NBEA: variants seen among roughly 807,000 people sequenced by gnomAD.
NBEA encodes the protein lysosomal-trafficking regulator 2.
Under a neutral mutation model 343.4 loss-of-function variants are expected in NBEA, and 44 were observed. The observed-to-expected ratio is 0.13, with a 90% CI of 0.10 to 0.16. The LOEUF (loss-of-function observed/expected upper bound fraction) is 0.16. Among genes scored for constraint, NBEA ranks in the 10% least tolerant of loss-of-function variants. The pLI, the probability that NBEA is intolerant of heterozygous loss-of-function variation, is 1.00. For synonymous variants in NBEA, 1,175 were observed against 1,238.7 expected (o/e 0.95, Z 1.08); for missense variants, 2,555 against 3,631.3 (o/e 0.70, Z 7.62).
At chr13:34,991,948 A>T (rs1045931901) in intron 1 of NBEA, among the ~76,000 whole-genome samples, 1 of 151,072 alleles carries the variant, frequency 6.6e-6, no homozygotes, top group Admixed American at 6.6e-5. Context: ...GACAGCATTT[A>T]AAAAATGTAC....
chr13:35,031,281 C>T (rs950225327), intron 1 of NBEA, among the ~76,000 whole-genome samples: 7 of 151,574 alleles, frequency 4.6e-5, no homozygotes, highest in African/African-American at 1.7e-4. Context: ...TAGTGACAGA[C>T]TGAAGTCAGT....
chr13:35,453,674 T>G (rs2046414029), intron 40 of NBEA, among the ~76,000 whole-genome samples: 1 of 152,194 alleles, frequency 6.6e-6, no homozygotes, highest in African/African-American at 2.4e-5. Context: ...CAGTTCAAAT[T>G]AGACTCCCTG....
chr13:35,198,212 C>G (rs2072763987), intron 31 of NBEA, among the ~76,000 whole-genome samples: 1 of 151,914 alleles, frequency 6.6e-6, no homozygotes, highest in East Asian at 1.9e-4. Flanking sequence ...CACGATATGC[C>G]TATATGTGTG....
chr13:35,150,705 C>G (rs2068720265), intron 18 of NBEA, among the ~76,000 whole-genome samples: 1 of 151,854 alleles, frequency 6.6e-6, no homozygotes, highest in African/African-American at 2.4e-5. Context: ...AGCAATGCAT[C>G]AGAATAAATA....
rs931826951 is a variant in NBEA at position 35,198,626 on chromosome 13, T to C, written c.5366+2324T>C. Among the ~76,000 whole-genome samples the C allele has an allele frequency of 2.0e-5, 3 of 152,132 alleles. No homozygotes were observed. In the East Asian group the frequency reaches 5.8e-4, roughly 29 times the overall value. On this transcript the variant is annotated intron_variant, in intron 31 of 58. Transcript: ENST00000379939. ...GTAGGAGTGGAATCATTATTCTAAA[T>C]TGCATAAGTACAAATGAAATGGAAG...
At chr13:35,420,607 T>C (rs963839223) in intron 38 of NBEA, among the ~76,000 whole-genome samples, 5 of 152,018 alleles carry the variant, frequency 3.3e-5, no homozygotes, top group Non-Finnish European at 7.4e-5. Context: ...TCTTTAAATG[T>C]TTAATAAAAT....
At chr13:35,446,761 G>A (rs2046069610) in intron 39 of NBEA, among the ~76,000 whole-genome samples, 1 of 151,904 alleles carries the variant, frequency 6.6e-6, no homozygotes, top group South Asian at 2.1e-4. Context: ...CATTGAAAAT[G>A]TATTATTCCA....
At chr13:35,270,999 C>A (rs1594022316) in intron 34 of NBEA, among the ~76,000 whole-genome samples, 1 of 152,228 alleles carries the variant, frequency 6.6e-6, no homozygotes, top group Non-Finnish European at 1.5e-5. Context: ...AGCAGTGGTT[C>A]CCCCCAGCAT....
intron 36 of NBEA, among the ~76,000 whole-genome samples, chr13:35,346,504 G>A (rs1440530044): frequency 3.3e-5 from 5 of 152,158 alleles, no homozygotes; most frequent in East Asian, 1.9e-4. Flanking sequence ...GCCCTCCAAC[G>A]TCATTTACAG....
chr13:35,471,059 C>G (rs1377616845), intron 40 of NBEA, among the ~76,000 whole-genome samples: 1 of 152,158 alleles, frequency 6.6e-6, no homozygotes, highest in Non-Finnish European at 1.5e-5. Flanking sequence ...AAAGACAGGG[C>G]TGTGCGTGGG....
chr13:35,636,217 T>C (rs1007081225), intron 49 of NBEA, among the ~76,000 whole-genome samples: 1 of 152,210 alleles, frequency 6.6e-6, no homozygotes, highest in Non-Finnish European at 1.5e-5. Flanking sequence ...GAAATAGATA[T>C]TACTCAATCT....
At position 35,513,536 on chromosome 13, in the gene NBEA, T is replaced by C. The variant is rs540701970; in HGVS notation, c.6586-36941T>C. 2.6e-5 allele frequency among the ~76,000 whole-genome samples: 4 copies of C among 152,096 alleles called. No homozygotes were observed. The South Asian group carries it at 8.3e-4, about 32-fold the overall frequency. On this transcript the variant is annotated intron_variant, in intron 41 of 58. Transcript: ENST00000379939. Reference sequence around the variant, plus strand: ...AAGTTTAAATGATTCTGTGGTATGCTTTTTTAGTCTTATTATCCAACTTAC... The same window carrying C: ...AAGTTTAAATGATTCTGTGGTATGCCTTTTTAGTCTTATTATCCAACTTAC...
At chr13:34,987,704 T>C (rs895577194) in intron 1 of NBEA, among the ~76,000 whole-genome samples, 1 of 151,060 alleles carries the variant, frequency 6.6e-6, no homozygotes, top group Non-Finnish European at 1.5e-5. Flanking sequence ...TTTTTACTCT[T>C]TTTTCTCTAA....
At chr13:34,954,181 G>A (rs546486367) in intron 1 of NBEA, among the ~76,000 whole-genome samples, 66 of 152,108 alleles carry the variant, frequency 4.3e-4, no homozygotes, top group South Asian at 8.3e-4. Flanking sequence ...GGTGTGCATA[G>A]GTTATGTGCA....
intron 37 of NBEA, among the ~76,000 whole-genome samples, chr13:35,350,670 T>A (rs924429193): frequency 6.6e-6 from 1 of 151,858 alleles, no homozygotes; most frequent in South Asian, 2.1e-4. Context: ...TTGATGATTG[T>A]ACCTTATTTT....
At chr13:35,115,365 T>C (rs1448749382) in intron 13 of NBEA, among the ~76,000 whole-genome samples, 6 of 152,034 alleles carry the variant, frequency 3.9e-5, no homozygotes, top group Non-Finnish European at 7.4e-5. Context: ...ATGAACCTTA[T>C]TTAAACATCA....
intron 23 of NBEA, among the ~76,000 whole-genome samples, chr13:35,162,864 G>C (rs945556417): frequency 6.6e-6 from 1 of 152,044 alleles, no homozygotes; most frequent in African/African-American, 2.4e-5. Flanking sequence ...TATGACTGTT[G>C]TGGAAGAAGT....
intron 39 of NBEA, among the ~76,000 whole-genome samples, chr13:35,433,717 G>T (rs1192865212): frequency 6.6e-6 from 1 of 151,930 alleles, no homozygotes; most frequent in Admixed American, 6.6e-5. Context: ...ATTATAGTTT[G>T]TCTTCTTTGA....
chr13:35,649,595 T>G, intron 51 of NBEA, 60 bp from the exon 52 acceptor site: 1 of 1,420,234 alleles, frequency 7.0e-7, no homozygotes, highest in Non-Finnish European at 9.9e-7. Context: ...TCCCTAGACC[T>G]TTCACTAACT....
Sources: allele counts gnomAD v4.1 joint callset (sites outside exome capture counted in the v4.1 genomes callset), GRCh38; gene constraint gnomAD v4.1.1; transcripts MANE v1.5; gene names NCBI Gene and HGNC (gene_info 2026-07-23, HGNC 2026-07-21).